Variants in PLPP4 observed in about 807,000 individuals in gnomAD.
PLPP4 encodes phospholipid phosphatase 4.
Under a neutral mutation model 32.2 loss-of-function variants are expected in PLPP4, and 20 were observed. The observed-to-expected ratio is 0.62, with a 90% confidence interval of 0.44 to 0.90. The LOEUF (loss-of-function observed/expected upper bound fraction) is 0.90. PLPP4 is among the 40% of genes least tolerant of loss of function. The probability of loss-of-function intolerance (pLI) is 0.00; values close to 1 mark genes in which losing one functional copy is unlikely to be tolerated. For missense variants in PLPP4, 257 were observed against 353.1 expected (o/e 0.73, Z 2.18); for synonymous variants, 127 against 133.0 (o/e 0.95, Z 0.31).
At chr10:120,540,572 CA>C (rs1200484023) in intron 5 of PLPP4, among the ~76,000 whole-genome samples, 1 of 152,174 alleles carries the variant, frequency 6.6e-6, no homozygotes. Flanking sequence ...CTGGCAGGTG[CA>C]ACCCAAGGTA....
intron 5 of PLPP4, among the ~76,000 whole-genome samples, chr10:120,563,131 T>C (rs1848510130): frequency 6.6e-6 from 1 of 152,024 alleles, no homozygotes. Flanking sequence ...CCCAGCTAGT[T>C]GAGAGGCTGA....
chr10:120,581,177 T>C, intron 6 of PLPP4: 7 of 985,424 alleles, frequency 7.1e-6, no homozygotes, highest in Non-Finnish European at 8.4e-6. Flanking sequence ...CGTGATGTAA[T>C]TCCCAGGGAA....
At chr10:120,545,434 G>C (rs773994699) in intron 5 of PLPP4, among the ~76,000 whole-genome samples, 2 of 152,076 alleles carry the variant, frequency 1.3e-5, no homozygotes, top group African/African-American at 2.4e-5. Flanking sequence ...TCCTTTCATT[G>C]CCCTGATAGT....
intron 1 of PLPP4, among the ~76,000 whole-genome samples, chr10:120,461,231 C>A (rs994869087): frequency 2.6e-5 from 4 of 152,176 alleles, no homozygotes; most frequent in South Asian, 2.1e-4. Flanking sequence ...AGTAAATTGC[C>A]GGTGAGAACA....
intron 1 of PLPP4, among the ~76,000 whole-genome samples, chr10:120,497,380 C>G (rs1845018656): frequency 6.6e-6 from 1 of 151,936 alleles, no homozygotes; most frequent in Non-Finnish European, 1.5e-5. Context: ...TAATTACATC[C>G]TTTTGCTTGC....
chr10:120,505,023 C>T (rs1773662442), intron 2 of PLPP4, among the ~76,000 whole-genome samples: 1 of 152,264 alleles, frequency 6.6e-6, no homozygotes, highest in Non-Finnish European at 1.5e-5. Context: ...GCAGTTGTAA[C>T]CTTTTACATT....
chr10:120,487,197 T>C (rs542619078), intron 1 of PLPP4, among the ~76,000 whole-genome samples: 3 of 152,230 alleles, frequency 2.0e-5, no homozygotes, highest in Non-Finnish European at 4.4e-5. Context: ...CCCTTATAAG[T>C]CTAGCAGATC....
At chr10:120,583,932 G>C (rs1849636741) in intron 6 of PLPP4, among the ~76,000 whole-genome samples, 1 of 152,212 alleles carries the variant, frequency 6.6e-6, no homozygotes, top group African/African-American at 2.4e-5. Context: ...AGGCCAGAGA[G>C]AGAGCAGGTC....
intron 1 of PLPP4, among the ~76,000 whole-genome samples, chr10:120,480,538 A>T (rs1480757029): frequency 1.3e-5 from 2 of 152,222 alleles, no homozygotes; most frequent in Non-Finnish European, 2.9e-5. Context: ...GATGCATCTG[A>T]AACTAACAAG....
intron 6 of PLPP4, chr10:120,581,373 CCT>C: frequency 9.0e-6 from 8 of 893,270 alleles, no homozygotes; most frequent in Non-Finnish European, 1.1e-5. Flanking sequence ...ATTGCAGAAG[CCT>C]CTCAGCCTGG....
chr10:120,520,798 C>T (rs1465669338), intron 4 of PLPP4, among the ~76,000 whole-genome samples, 173 bp from the exon 5 acceptor site: 1 of 151,948 alleles, frequency 6.6e-6, no homozygotes, highest in South Asian at 2.1e-4. Context: ...GACACCAAAA[C>T]CTGAGCTTTT....
At chr10:120,470,844 A>G (rs1390448382) in intron 1 of PLPP4, among the ~76,000 whole-genome samples, 1 of 152,238 alleles carries the variant, frequency 6.6e-6, no homozygotes, top group East Asian at 1.9e-4. Context: ...CTCTAGTGCC[A>G]GGATACCTAA....
intron 1 of PLPP4, among the ~76,000 whole-genome samples, chr10:120,480,798 A>T (rs910548595): frequency 1.3e-5 from 2 of 152,116 alleles, no homozygotes; most frequent in African/African-American, 4.8e-5. Context: ...CTTTCTTGCT[A>T]CAACAACACT....
intron 4 of PLPP4, among the ~76,000 whole-genome samples, chr10:120,519,694 C>T (rs920328884): frequency 1.3e-5 from 2 of 152,104 alleles, no homozygotes; most frequent in Non-Finnish European, 2.9e-5. Flanking sequence ...GACAGTACCC[C>T]AGCTGTTCTG....
intron 5 of PLPP4, among the ~76,000 whole-genome samples, chr10:120,562,519 G>T (rs926490358): frequency 6.6e-6 from 1 of 152,046 alleles, no homozygotes; most frequent in Non-Finnish European, 1.5e-5. Flanking sequence ...TGATCTTAAG[G>T]GAATGCTTTA....
chr10:120,536,851 T>C (rs377722545), intron 5 of PLPP4, among the ~76,000 whole-genome samples: 1 of 151,990 alleles, frequency 6.6e-6, no homozygotes, highest in African/African-American at 2.4e-5. Flanking sequence ...TACAATTAAA[T>C]AGCAAAAAGA....
At chr10:120,473,293 C>G (rs1353426533) in intron 1 of PLPP4, among the ~76,000 whole-genome samples, 1 of 152,006 alleles carries the variant, frequency 6.6e-6, no homozygotes, top group Non-Finnish European at 1.5e-5. Flanking sequence ...TATTGTTGGG[C>G]AAATCTATCT....
rs1029630463 is a variant in PLPP4, at chr10:120,501,500, G to A, written c.57-2318G>A. Among the ~76,000 whole-genome samples, 3 of 152,188 alleles carry A rather than the reference G, an allele frequency of 2.0e-5. No individual in the cohort carries two copies. The East Asian group carries it at 5.8e-4, about 29-fold the overall frequency. ...ATTGTTTAACTTTCATTCCAACTCT[G>A]TAAGGTGTGTCTATTTTAGAGATGA... On this transcript the variant is annotated intron_variant, in intron 1 of 6. Transcript: ENST00000398250.
At chr10:120,564,632 G>A (rs1458139991) in intron 5 of PLPP4, among the ~76,000 whole-genome samples, 1 of 151,784 alleles carries the variant, frequency 6.6e-6, no homozygotes, top group African/African-American at 2.4e-5. Context: ...ATCAATTTTT[G>A]ATTCATATAT....
Sources: allele counts gnomAD v4.1 joint callset (sites outside exome capture counted in the v4.1 genomes callset), GRCh38; gene constraint gnomAD v4.1.1; transcripts MANE v1.5; gene names NCBI Gene and HGNC (gene_info 2026-07-23, HGNC 2026-07-21).